Variants in SGCD observed in about 807,000 individuals in gnomAD.
SGCD encodes the protein sarcoglycan delta.
A neutral mutation model predicts 36.6 loss-of-function variants in SGCD; 18 were observed. The ratio of observed to expected loss-of-function variants is 0.49; its 90% CI spans 0.34 to 0.73. SGCD has a LOEUF of 0.73. Ranked by LOEUF, SGCD falls within the 30% of genes least tolerant of loss-of-function variation. The pLI, the probability that SGCD is intolerant of heterozygous loss-of-function variation, is 0.01. For missense variants in SGCD, 387 were observed against 346.7 expected (o/e 1.12, Z -0.92); for synonymous variants, 133 against 130.6 (o/e 1.02, Z -0.12).
In SGCD at chr5:156,656,076, G is replaced by C. The variant is rs116785560; in HGVS notation, c.575+8540G>C. On this transcript the variant is annotated intron_variant, in intron 7 of 8. Transcript: ENST00000337851. The stretch of plus-strand genomic sequence containing the variant: ...ACATGCCACGGCAAATGTTAAAAAA[G>C]AGAGAAAGTTATATAGACTACCCAA... Among the ~76,000 whole-genome samples the C allele has an allele frequency of 6.7e-3, 1,012 of 152,170 alleles. 4 individuals are homozygous for C. Among genetic ancestry groups the C allele is most frequent in the Admixed American group, 0.012 (177 of 15,286 alleles).
At chr5:156,481,284 G>A (rs1755414286) in intron 3 of SGCD, among the ~76,000 whole-genome samples, 1 of 152,138 alleles carries the variant, frequency 6.6e-6, no homozygotes, top group African/African-American at 2.4e-5. Context: ...GGGGATGGTA[G>A]AGGTCTATGT....
At chr5:155,959,483 C>A (rs939774806) in intron 1 of SGCD, among the ~76,000 whole-genome samples, 1 of 152,076 alleles carries the variant, frequency 6.6e-6, no homozygotes, top group African/African-American at 2.4e-5. Flanking sequence ...GAATCTTTCT[C>A]TTTGAATAGT....
intron 3 of SGCD, among the ~76,000 whole-genome samples, chr5:156,131,306 T>G (rs1164524163): frequency 6.6e-6 from 1 of 152,198 alleles, no homozygotes; most frequent in Non-Finnish European, 1.5e-5. Flanking sequence ...ACTTTCTGGG[T>G]GTATGACCAA....
the SGCD span, among the ~76,000 whole-genome samples, chr5:155,843,336 T>C: frequency 1.3e-5 from 2 of 152,074 alleles, no homozygotes; most frequent in African/African-American, 4.8e-5. Flanking sequence ...AACACTTCAC[T>C]TGGGTCTAAG....
chr5:155,905,183 G>T (rs551837079), intron 1 of SGCD, among the ~76,000 whole-genome samples: 1 of 152,270 alleles, frequency 6.6e-6, no homozygotes, highest in African/African-American at 2.4e-5. Flanking sequence ...ATTCTGGAAA[G>T]TATAGTTCCA....
chr5:156,203,392 T>C (rs1308141313), intron 3 of SGCD, among the ~76,000 whole-genome samples: 2 of 152,158 alleles, frequency 1.3e-5, no homozygotes, highest in Non-Finnish European at 2.9e-5. Flanking sequence ...TGTTCCTATG[T>C]AGTTCGATAT....
the SGCD span, among the ~76,000 whole-genome samples, chr5:155,846,492 C>A: frequency 6.6e-6 from 1 of 152,110 alleles, no homozygotes; most frequent in East Asian, 1.9e-4. Context: ...TTTAGCTCTG[C>A]CTTCTGGGTG....
intron 3 of SGCD, among the ~76,000 whole-genome samples, chr5:156,182,732 T>C (rs1835921): frequency 3.3e-5 from 5 of 152,084 alleles, no homozygotes; most frequent in Non-Finnish European, 5.9e-5. Context: ...CCCATTTACA[T>C]TGTGACTTTG....
intron 1 of SGCD, among the ~76,000 whole-genome samples, chr5:156,023,785 GCTGT>G (rs1759161027): frequency 6.6e-6 from 1 of 152,168 alleles, no homozygotes; most frequent in South Asian, 2.1e-4. Context: ...TACATCTTCG[GCTGT>G]CTAACAAGCT....
chr5:155,823,619 G>A, the SGCD span, among the ~76,000 whole-genome samples: 2 of 152,082 alleles, frequency 1.3e-5, no homozygotes, highest in African/African-American at 2.4e-5. Flanking sequence ...GTGGCTCCGC[G>A]GGAACACAAT....
chr5:155,790,818 A>G, the SGCD span, among the ~76,000 whole-genome samples: 1 of 152,272 alleles, frequency 6.6e-6, no homozygotes, highest in Admixed American at 6.5e-5. Flanking sequence ...CAATGATTTT[A>G]TAGTACTCTA....
chr5:156,260,709 C>G (rs897877484), intron 3 of SGCD, among the ~76,000 whole-genome samples: 1 of 152,060 alleles, frequency 6.6e-6, no homozygotes, highest in Non-Finnish European at 1.5e-5. Context: ...TCTCTGGGAG[C>G]TCCAGTAAAA....
At chr5:156,510,609 T>C (rs1355743120) in intron 4 of SGCD, among the ~76,000 whole-genome samples, 1 of 152,118 alleles carries the variant, frequency 6.6e-6, no homozygotes, top group African/African-American at 2.4e-5. Context: ...ATTTTAAACT[T>C]TTTTTTTCTT....
chr5:155,895,836 C>A (rs1756239370), intron 1 of SGCD, among the ~76,000 whole-genome samples: 1 of 152,164 alleles, frequency 6.6e-6, no homozygotes, highest in African/African-American at 2.4e-5. Flanking sequence ...AAAGTGATAT[C>A]TCAAGGAGTA....
chr5:156,103,828 G>A (rs1414207744), intron 1 of SGCD, among the ~76,000 whole-genome samples: 1 of 152,094 alleles, frequency 6.6e-6, no homozygotes, highest in Non-Finnish European at 1.5e-5. Context: ...CTTCCCAATA[G>A]ACTTGCAGAC....
intron 7 of SGCD, among the ~76,000 whole-genome samples, chr5:156,751,611 T>TA (rs1016462123): frequency 3.9e-5 from 6 of 151,940 alleles, no homozygotes; most frequent in African/African-American, 1.5e-4. Flanking sequence ...ACACAAAAAA[T>TA]AAAAAATAGA....
chr5:155,830,967 A>G, the SGCD span, among the ~76,000 whole-genome samples: 3 of 152,200 alleles, frequency 2.0e-5, no homozygotes, highest in South Asian at 4.1e-4. Flanking sequence ...TCAAGCTTAA[A>G]TTCATTAAAT....
intron 3 of SGCD, among the ~76,000 whole-genome samples, chr5:156,179,432 CTTG>C (rs1263634577): frequency 6.6e-6 from 1 of 151,846 alleles, no homozygotes; most frequent in Non-Finnish European, 1.5e-5. Context: ...TTCAATAATT[CTTG>C]TTGTATATAC....
chr5:156,357,946 T>C (rs1334602053), intron 3 of SGCD, among the ~76,000 whole-genome samples: 4 of 152,186 alleles, frequency 2.6e-5, no homozygotes, highest in African/African-American at 9.7e-5. Context: ...TTCTGCAGAA[T>C]CAGGCAAGTC....
Sources: gnomAD v4.1 joint callset for allele counts (sites outside exome capture counted in the v4.1 genomes callset) on GRCh38, gnomAD v4.1.1 for gene constraint, MANE v1.5 for transcripts, NCBI Gene and HGNC (gene_info 2026-07-23, HGNC 2026-07-21) for gene names.